Variants in MCF2L observed in about 807,000 individuals in gnomAD.
The protein encoded by MCF2L is MCF.2 cell line derived transforming sequence like.
A neutral mutation model predicts 153.4 loss-of-function variants in MCF2L; 97 were observed. The observed-to-expected ratio is 0.63, with a 90% CI of 0.54 to 0.75. MCF2L has a LOEUF of 0.75. MCF2L is among the 30% of genes least tolerant of loss of function. The pLI, the probability that MCF2L is intolerant of heterozygous loss-of-function variation, is 0.00. For missense variants in MCF2L, 1,347 were observed against 1,495.2 expected, an observed-to-expected ratio of 0.90 and a Z score of 1.64; for synonymous variants, 659 against 632.2, an observed-to-expected ratio of 1.04 and a Z score of -0.64.
intron 2 of MCF2L, 63 bp downstream of exon 2, chr13:113,014,909 C>T: frequency 6.7e-7 from 1 of 1,496,324 alleles, no homozygotes; most frequent in Non-Finnish European, 9.3e-7. Flanking sequence ...GTGGGCCGAG[C>T]AGCCCCCGTG....
chr13:112,971,395 A>C (rs540187013), intron 1 of MCF2L, among the ~76,000 whole-genome samples: 95 of 152,286 alleles, frequency 6.2e-4, no homozygotes, highest in African/African-American at 1.9e-3. Flanking sequence ...AGCTGATGGC[A>C]ACAGGACACT....
intron 1 of MCF2L, among the ~76,000 whole-genome samples, chr13:112,976,191 C>T (rs201199464): frequency 2.1e-4 from 31 of 148,824 alleles, no homozygotes; most frequent in African/African-American, 4.5e-4. Flanking sequence ...TGTGTGTGTG[C>T]GTGTGTGTGT....
In MCF2L at chr13:113,075,066, G is replaced by T. The variant is rs762239476; in HGVS notation, c.1185G>T (p.Ala395=). 6 of 1,613,682 alleles carry T rather than the reference G, an allele frequency of 3.7e-6. No individual in the cohort carries two copies. The highest frequency in any genetic ancestry group is 5.1e-6 in the Non-Finnish European group (6 of 1,179,990). The change falls in exon 11 of 30, where the codon GCG becomes GCT. Residue 395 remains alanine, a synonymous_variant. Transcript: ENST00000535094. ...GEQLIGNKHY[A]VDSIRPKCQE... is the part of the protein sequence containing the mutation. Reference sequence around the variant, plus strand: ...AGCTCATTGGGAACAAGCACTACGCGGTAGACTCCATCCGCCCAAAGTGCC... The same window carrying T: ...AGCTCATTGGGAACAAGCACTACGCTGTAGACTCCATCCGCCCAAAGTGCC...
chr13:112,912,376 T>C (rs946627699), intron 2 of MCF2L, among the ~76,000 whole-genome samples: 2 of 151,916 alleles, frequency 1.3e-5, no homozygotes, highest in African/African-American at 4.8e-5. Context: ...AGTGCAGTGG[T>C]GCAATCTGGG....
chr13:112,909,467 G>A (rs757995510), intron 2 of MCF2L: 55 of 602,388 alleles, frequency 9.1e-5, no homozygotes, highest in Middle Eastern at 8.5e-4. Flanking sequence ...AAACGTCTTC[G>A]TCAGGAGCGC....
chr13:112,972,622 A>T (rs80218215), intron 1 of MCF2L, among the ~76,000 whole-genome samples: 39,768 of 146,458 alleles, frequency 0.27, 6,163 homozygotes, highest in Non-Finnish European at 0.35. Context: ...GAGTGGATGG[A>T]TGGATGGATG....
intron 17 of MCF2L, among the ~76,000 whole-genome samples, chr13:113,083,354 G>T (rs2034330886): frequency 6.6e-6 from 1 of 152,186 alleles, no homozygotes; most frequent in African/African-American, 2.4e-5. Context: ...CTTACAAGGA[G>T]GCAGCAGGTC....
At chr13:112,931,506 C>T (rs1001006472) in intron 2 of MCF2L, among the ~76,000 whole-genome samples, 7 of 152,142 alleles carry the variant, frequency 4.6e-5, no homozygotes, top group East Asian at 3.9e-4. Flanking sequence ...TGTGAACTGA[C>T]GCTTAGCTTA....
At chr13:113,091,765 A>G (rs771174260) in intron 26 of MCF2L, among the ~76,000 whole-genome samples, 4 of 152,004 alleles carry the variant, frequency 2.6e-5, no homozygotes, top group Non-Finnish European at 4.4e-5. Context: ...CAGGGTGAAA[A>G]CTGCCCTGTG....
intron 12 of MCF2L, among the ~76,000 whole-genome samples, chr13:113,076,571 A>G (rs559240026): frequency 6.6e-6 from 1 of 152,336 alleles, no homozygotes; most frequent in East Asian, 1.9e-4. Flanking sequence ...GGCCCATTTA[A>G]TGAATTACTA....
At chr13:112,954,494 A>G (rs1350842552) in intron 2 of MCF2L, among the ~76,000 whole-genome samples, 1 of 152,058 alleles carries the variant, frequency 6.6e-6, no homozygotes, top group Non-Finnish European at 1.5e-5. Flanking sequence ...ATTTAACTTC[A>G]CTATCCCTTG....
At chr13:112,938,571 C>A (rs898292075) in intron 2 of MCF2L, among the ~76,000 whole-genome samples, 2 of 152,166 alleles carry the variant, frequency 1.3e-5, no homozygotes, top group Non-Finnish European at 2.9e-5. Flanking sequence ...GATTTGGGAC[C>A]TGAAACTGGG....
Position 113,054,398 on chromosome 13 carries a change from C to T in MCF2L, c.370-6195C>T, listed in dbSNP as rs58054372. ...GATGGCCTCACGCACACGGCAGCGG[C>T]CATTCTGAGCACTCGTGTCTGAACA... On this transcript the variant is annotated intron_variant, in intron 4 of 29. Transcript: ENST00000535094. The surrounding 1 kb of genome is among the most constrained non-coding windows in gnomAD (Gnocchi z 5.2). 6.6e-5 allele frequency: 11 copies of T among 167,540 alleles called. No individual in the cohort carries two copies. The East Asian group carries it at 2.1e-3, about 32-fold the overall frequency. 10.4% of individuals were successfully genotyped at this position (167,540 alleles called of 1,614,324 possible). A position where few individuals can be genotyped will look rare whatever the true frequency, so the allele number is the denominator to read the frequency against.
At chr13:113,066,015 G>A (rs1210189236) in intron 7 of MCF2L, 31 bp from the exon 8 acceptor site, 3 of 1,606,812 alleles carry the variant, frequency 1.9e-6, no homozygotes, top group South Asian at 2.2e-5. Context: ...CCTGGACGGG[G>A]CCGGGACATG....
intron 26 of MCF2L, among the ~76,000 whole-genome samples, chr13:113,093,304 G>C (rs1308396953): frequency 3.3e-5 from 5 of 152,256 alleles, no homozygotes; most frequent in Admixed American, 3.3e-4. Context: ...ATGCAGGCCT[G>C]GTGTGGTGCC....
At chr13:112,916,164 C>T (rs969466931) in intron 2 of MCF2L, among the ~76,000 whole-genome samples, 82 of 147,886 alleles carry the variant, frequency 5.5e-4, no homozygotes, top group African/African-American at 1.7e-3. Context: ...GCTGAGATTG[C>T]GCCACTATAC....
At chr13:113,073,786 G>A (rs1044116875) in intron 9 of MCF2L, among the ~76,000 whole-genome samples, 2 of 151,994 alleles carry the variant, frequency 1.3e-5, no homozygotes, top group Non-Finnish European at 1.5e-5. Flanking sequence ...GTGATGGCTG[G>A]TGCCTGTAAT....
Position 112,977,100 on chromosome 13 carries a change from C to T in MCF2L, c.79+7642C>T, listed in dbSNP as rs527773805. 1.1e-4 allele frequency among the ~76,000 whole-genome samples: 17 copies of T among 152,348 alleles called. No individual in the cohort carries two copies. In the East Asian group the frequency reaches 3.3e-3, roughly 29 times the overall value. The stretch of plus-strand genomic sequence containing the variant: ...CGCTGAATTTTAAATCACCCAACAG[C>T]TCATTTAAGACCGGCCCTAAACAAC... On this transcript the variant is annotated intron_variant, in intron 1 of 29. Coordinates refer to ENST00000535094, the MANE Select transcript of MCF2L (RefSeq NM_001112732.3).
chr13:112,929,378 C>G (rs1427069403), intron 2 of MCF2L, among the ~76,000 whole-genome samples: 1 of 152,200 alleles, frequency 6.6e-6, no homozygotes, highest in Admixed American at 6.5e-5. Flanking sequence ...AGGACGCTGT[C>G]AGCAGTTTGG....
Sources: allele counts gnomAD v4.1 joint callset (sites outside exome capture counted in the v4.1 genomes callset), GRCh38; gene constraint gnomAD v4.1.1; non-coding constraint Gnocchi (gnomAD v3.1); transcripts MANE v1.5; gene names NCBI Gene and HGNC (gene_info 2026-07-23, HGNC 2026-07-21).